The following UGGT2 variants were observed in gnomAD, a reference collection of about 807,000 sequenced individuals.
UGGT2 encodes UDP-glucose glycoprotein glucosyltransferase 2.
In UGGT2, 180 loss-of-function variants were observed where a neutral mutation model predicts 192.1. The observed-to-expected ratio is 0.94, with a 90% confidence interval of 0.83 to 1.06. The LOEUF (loss-of-function observed/expected upper bound fraction) is 1.06, where lower values mean the gene tolerates loss of function less well. UGGT2 is among the 50% of genes least tolerant of loss of function. The probability of loss-of-function intolerance (pLI) is 0.00; values close to 1 mark genes in which losing one functional copy is unlikely to be tolerated. For synonymous variants in UGGT2, 580 were observed against 591.0 expected (o/e 0.98, Z 0.27); for missense variants, 1,849 against 1,795.7 (o/e 1.03, Z -0.54).
chr13:95,978,954 A>T (rs1478293934), intron 10 of UGGT2, among the ~76,000 whole-genome samples: 3 of 152,216 alleles, frequency 2.0e-5, no homozygotes, highest in Non-Finnish European at 4.4e-5. Flanking sequence ...TTATTTGGGT[A>T]AGGTGCAATC....
chr13:95,819,278 G>C (rs957604274), intron 38 of UGGT2, among the ~76,000 whole-genome samples: 1 of 152,068 alleles, frequency 6.6e-6, no homozygotes, highest in African/African-American at 2.4e-5. Flanking sequence ...TACAAATAGA[G>C]TAGTAAGCAA....
At chr13:95,946,118 T>C (rs1270456464) in intron 15 of UGGT2, among the ~76,000 whole-genome samples, 1 of 152,230 alleles carries the variant, frequency 6.6e-6, no homozygotes, top group Non-Finnish European at 1.5e-5. Context: ...AGCTCTTTAA[T>C]ACATATATAT....
chr13:95,833,094 C>A, intron 37 of UGGT2, 41 bp from the exon 38 acceptor site: 1 of 1,599,394 alleles, frequency 6.3e-7, no homozygotes, highest in South Asian at 1.1e-5. Flanking sequence ...AGACCATGCT[C>A]CTGGAAACAT....
At position 95,931,660 on chromosome 13, in the gene UGGT2, G is replaced by A. The variant is rs866685132; in HGVS notation, c.1978-4324C>T. ...AATTCGAGCACAGTGCTGGCCCAGC[G>A]CACCCTCTGTAGCTGCTGGCCCGGG... On this transcript the variant is annotated intron_variant, in intron 17 of 38. Coordinates refer to ENST00000376747, the MANE Select transcript of UGGT2 (RefSeq NM_020121.4). Among the ~76,000 whole-genome samples, 16 of 152,188 alleles carry A rather than the reference G, an allele frequency of 1.1e-4. No homozygotes were observed. The East Asian group carries it at 2.1e-3, about 20-fold the overall frequency.
intron 2 of UGGT2, among the ~76,000 whole-genome samples, chr13:96,029,346 G>T (rs1397337512): frequency 6.6e-6 from 1 of 152,032 alleles, no homozygotes; most frequent in Non-Finnish European, 1.5e-5. Flanking sequence ...CAGTCCAGTG[G>T]TGTGATCTCG....
At chr13:95,966,821 A>C (rs775662811) in intron 12 of UGGT2, among the ~76,000 whole-genome samples, 4 of 152,198 alleles carry the variant, frequency 2.6e-5, no homozygotes, top group Non-Finnish European at 4.4e-5. Context: ...CACATCACCC[A>C]TTAATGCCTT....
chr13:95,822,652 T>C (rs903337085), intron 38 of UGGT2, among the ~76,000 whole-genome samples: 2 of 152,150 alleles, frequency 1.3e-5, no homozygotes, highest in Admixed American at 6.6e-5. Context: ...GTATTGTTTG[T>C]GATGTCTCCG....
At chr13:95,900,248 T>A (rs181820357) in intron 22 of UGGT2, among the ~76,000 whole-genome samples, 45 of 152,174 alleles carry the variant, frequency 3.0e-4, no homozygotes, top group Admixed American at 2.5e-3. Flanking sequence ...TATCTATGTA[T>A]GGTAGAAAAA....
At chr13:95,947,325 T>C (rs2049905413) in intron 14 of UGGT2, among the ~76,000 whole-genome samples, 153 bp from the exon 15 acceptor site, 2 of 152,210 alleles carry the variant, frequency 1.3e-5, no homozygotes, top group South Asian at 4.1e-4. Flanking sequence ...AAAGTTTGAA[T>C]GTAATGCCTA....
At chr13:96,052,295 A>T (rs1333351786) in intron 1 of UGGT2, among the ~76,000 whole-genome samples, 4 of 152,200 alleles carry the variant, frequency 2.6e-5, no homozygotes, top group African/African-American at 9.6e-5. Flanking sequence ...AGATTGACAC[A>T]ATGGACTTCG....
At chr13:95,847,042 CTTTCTTTTCT>C (rs201225918) in intron 36 of UGGT2, among the ~76,000 whole-genome samples, 4 of 139,754 alleles carry the variant, frequency 2.9e-5, no homozygotes, top group Admixed American at 7.6e-5. Flanking sequence ...AAAAATGCAT[CTTTCTTTTCT>C]TTTCTTTTCT....
intron 12 of UGGT2, among the ~76,000 whole-genome samples, chr13:95,955,740 C>G (rs143764329): frequency 1.6e-3 from 237 of 152,266 alleles, no homozygotes; most frequent in African/African-American, 5.5e-3. Flanking sequence ...AGCGCTCAAA[C>G]AGGGCTGCTG....
chr13:95,859,663 A>G lies in UGGT2; in HGVS notation c.3753T>C (p.Leu1251=). 1 of 1,608,814 alleles carries G rather than the reference A, an allele frequency of 6.2e-7. No individual in the cohort carries two copies. Among genetic ancestry groups the G allele is most frequent in the Non-Finnish European group, 8.5e-7 (1 of 1,177,116 alleles). ...GTGTTTTGGTGTTACGCAAAACAGA[A>G]AGCATCATAATTCTGTATAAAAGAA... ...LYERFLRIMM[L]SVLRNTKTPV... Residue 1251 remains leucine, a synonymous_variant, in exon 33 of 39, where the codon CTT becomes CTC. Coordinates refer to ENST00000376747, the MANE Select transcript of UGGT2 (RefSeq NM_020121.4).
chr13:95,878,511 A>G (rs1217843391), intron 27 of UGGT2, among the ~76,000 whole-genome samples: 2 of 152,166 alleles, frequency 1.3e-5, no homozygotes, highest in African/African-American at 2.4e-5. Flanking sequence ...ATCATTTTAA[A>G]TGGCTGGACA....
At chr13:96,020,300 G>A (rs2035810357) in intron 4 of UGGT2, among the ~76,000 whole-genome samples, 1 of 152,120 alleles carries the variant, frequency 6.6e-6, no homozygotes, top group South Asian at 2.1e-4. Context: ...AAGTGGCTGA[G>A]TCAGGCAGGT....
Position 95,999,239 on chromosome 13 carries a change from G to T in UGGT2, c.729C>A (p.Tyr243Ter), listed in dbSNP as rs758209067. 6.2e-7 allele frequency: 1 copy of T among 1,613,516 alleles called. No homozygotes were observed. The highest frequency in any genetic ancestry group is 1.1e-5 in the South Asian group (1 of 91,042). ...TAACTTGGGTATCATCCAGTGCTTT[G>T]TATTCTGTACTCTTAATTGCTAGCT... ...GVELAIKSTE[Y>*]KALDDTQVKT... Residue 243 changes from tyrosine to a stop codon, truncating the protein, a stop_gained, in exon 6 of 39, where the codon TAC becomes TAA. Transcript: ENST00000376747. LOFTEE classifies it high-confidence loss of function.
intron 38 of UGGT2, among the ~76,000 whole-genome samples, chr13:95,814,244 A>T (rs1316481722): frequency 2.0e-5 from 3 of 152,190 alleles, no homozygotes; most frequent in African/African-American, 7.2e-5. Flanking sequence ...TTGCACCTTC[A>T]GTGTGGAAAA....
chr13:95,811,570 A>C (rs1286235928), intron 38 of UGGT2, among the ~76,000 whole-genome samples: 1 of 152,198 alleles, frequency 6.6e-6, no homozygotes, highest in Admixed American at 6.5e-5. Context: ...TGAATATACT[A>C]AAAGCCATTG....
chr13:95,997,284 T>C (rs1173605685), intron 6 of UGGT2, among the ~76,000 whole-genome samples: 1 of 151,994 alleles, frequency 6.6e-6, no homozygotes, highest in African/African-American at 2.4e-5. Flanking sequence ...ATATGGGATA[T>C]AGAAAAGAGA....
Sources: allele counts gnomAD v4.1 joint callset (sites outside exome capture counted in the v4.1 genomes callset), GRCh38; gene constraint gnomAD v4.1.1; transcripts MANE v1.5; gene names NCBI Gene and HGNC (gene_info 2026-07-23, HGNC 2026-07-21).